The following TMEM87B variants were observed in gnomAD, a reference collection of about 807,000 sequenced individuals.
TMEM87B encodes transmembrane protein 87B.
TMEM87B carries 83 observed loss-of-function variants against 80.3 expected under a neutral mutation model. The ratio of observed to expected loss-of-function variants is 1.03; its 90% CI spans 0.87 to 1.24. The LOEUF is 1.24. Ranked by LOEUF, TMEM87B falls within the 50% of genes most tolerant of loss-of-function variation. The probability of loss-of-function intolerance (pLI) is 0.00; values close to 1 mark genes in which losing one functional copy is unlikely to be tolerated. For missense variants in TMEM87B, 625 were observed against 674.4 expected (o/e 0.93, Z 0.81); for synonymous variants, 219 against 230.5 (o/e 0.95, Z 0.45).
chr2:112,089,676 CTTA>C lies in TMEM87B; in HGVS notation c.991_993del (p.Leu331del). The C allele has an allele frequency of 6.2e-7, 1 of 1,614,160 alleles. No individual in the cohort carries two copies. The highest frequency in any genetic ancestry group is 8.5e-7 in the Non-Finnish European group (1 of 1,180,008). ...GGGTGATCGGACTGGGGCTTCTATA[CTTA>C]ATCTTTGCAGCTGTTGAAGGCGTGA... On this transcript the variant is annotated inframe_deletion, in exon 10 of 19. Coordinates refer to ENST00000283206, the MANE Select transcript of TMEM87B (RefSeq NM_032824.3).
chr2:112,098,328 T>G (rs1679531451), intron 13 of TMEM87B, among the ~76,000 whole-genome samples: 1 of 152,200 alleles, frequency 6.6e-6, no homozygotes, highest in African/African-American at 2.4e-5. Flanking sequence ...CCATTTGAAA[T>G]CCTAAGTATA....
At chr2:112,104,898 C>T (rs748149140) in intron 15 of TMEM87B, among the ~76,000 whole-genome samples, 7 of 152,172 alleles carry the variant, frequency 4.6e-5, no homozygotes, top group Admixed American at 2.0e-4. Context: ...AACCAACACT[C>T]TATAACATAA....
intron 6 of TMEM87B, 94 bp downstream of exon 6, chr2:112,077,376 A>G (rs1678858516): frequency 3.7e-6 from 2 of 534,044 alleles, no homozygotes; most frequent in Non-Finnish European, 6.6e-6. Flanking sequence ...TTTCAAATAC[A>G]TCATTCAAAA....
chr2:112,072,501 G>A (rs973324130), intron 4 of TMEM87B, among the ~76,000 whole-genome samples: 18 of 152,046 alleles, frequency 1.2e-4, no homozygotes, highest in African/African-American at 4.1e-4. Flanking sequence ...GTCTTGGGAG[G>A]GTGTATGTGT....
At chr2:112,093,041 T>A (rs1330840205) in intron 11 of TMEM87B, among the ~76,000 whole-genome samples, 2 of 152,242 alleles carry the variant, frequency 1.3e-5, no homozygotes, top group African/African-American at 4.8e-5. Flanking sequence ...TTTTAAAAAA[T>A]TGTTTTTCTT....
intron 17 of TMEM87B, 121 bp from the exon 18 acceptor site, chr2:112,112,778 C>A: frequency 1.1e-6 from 1 of 898,684 alleles, no homozygotes; most frequent in Non-Finnish European, 1.8e-6. Flanking sequence ...TCCCTTCTGT[C>A]ACCTGTGGAT....
chr2:112,081,767 C>T (rs574829043), intron 8 of TMEM87B, among the ~76,000 whole-genome samples: 106 of 152,276 alleles, frequency 7.0e-4, no homozygotes, highest in African/African-American at 2.4e-3. Context: ...AAATAAAAGT[C>T]CCGTTTCCTA....
At chr2:112,093,495 C>T (rs1679366222) in intron 11 of TMEM87B, among the ~76,000 whole-genome samples, 1 of 152,216 alleles carries the variant, frequency 6.6e-6, no homozygotes, top group African/African-American at 2.4e-5. Context: ...TCTTAGGAGT[C>T]TGAGGAGCCT....
At chr2:112,081,184 A>G (rs187915715) in intron 7 of TMEM87B, 66 bp downstream of exon 7, 393 of 1,511,406 alleles carry the variant, frequency 2.6e-4, no homozygotes, top group Non-Finnish European at 3.2e-4. Flanking sequence ...GCTTTGTGGT[A>G]GTAATTCCTC....
intron 6 of TMEM87B, among the ~76,000 whole-genome samples, chr2:112,077,687 A>G (rs188983571): frequency 1.3e-5 from 2 of 152,274 alleles, no homozygotes; most frequent in Non-Finnish European, 2.9e-5. Flanking sequence ...GACAAATTTT[A>G]TTTTAAAGGA....
At position 112,107,839 on chromosome 2, in the gene TMEM87B, G is replaced by T. The variant is rs762089820; in HGVS notation, c.1576G>T (p.Val526Leu). The T allele has an allele frequency of 6.3e-7, 1 of 1,581,758 alleles. No individual in the cohort carries two copies. Among genetic ancestry groups the T allele is most frequent in the Admixed American group, 1.7e-5 (1 of 59,214 alleles). The change falls in exon 17 of 19, where the codon GTA (valine) becomes TTA (leucine). Residue 526 changes from valine (V) to leucine (L), a missense_variant and splice_region_variant. Physicochemically the swap from Val to Leu is conservative, Grantham distance 32 (BLOSUM62 1). Coordinates refer to ENST00000283206, the MANE Select transcript of TMEM87B (RefSeq NM_032824.3). The stretch of plus-strand genomic sequence containing the variant: ...AAATATTCCCTCTTCATTCACAGAT[G>T]TGTAAGTTATCTTCTGTTACAGTTT... Reference protein sequence around the residue: ...EENIPSSFTDVALPVLVDSDE... With the variant: ...EENIPSSFTDLALPVLVDSDE...
At chr2:112,105,373 A>G (rs537312820) in intron 15 of TMEM87B, among the ~76,000 whole-genome samples, 28 of 152,210 alleles carry the variant, frequency 1.8e-4, no homozygotes, top group Non-Finnish European at 3.7e-4. Flanking sequence ...GGCATTTTAT[A>G]TGTGCTAACT....
chr2:112,077,600 G>A (rs539854456), intron 6 of TMEM87B, among the ~76,000 whole-genome samples: 1 of 152,240 alleles, frequency 6.6e-6, no homozygotes, highest in South Asian at 2.1e-4. Flanking sequence ...CAACTTTTTA[G>A]TTGTGTATTT....
At chr2:112,097,906 C>G (rs1679519741) in intron 13 of TMEM87B, among the ~76,000 whole-genome samples, 1 of 151,804 alleles carries the variant, frequency 6.6e-6, no homozygotes, top group Non-Finnish European at 1.5e-5. Context: ...TGGTTTGTAT[C>G]TAGATGGACT....
intron 5 of TMEM87B, among the ~76,000 whole-genome samples, chr2:112,076,817 C>T (rs548333547): frequency 6.7e-6 from 1 of 150,184 alleles, no homozygotes; most frequent in South Asian, 2.1e-4. Context: ...GCTATCTTTC[C>T]ACTACCTGCC....
At chr2:112,067,308 A>G (rs1349882172) in intron 4 of TMEM87B, among the ~76,000 whole-genome samples, 1 of 152,210 alleles carries the variant, frequency 6.6e-6, no homozygotes, top group Non-Finnish European at 1.5e-5. Context: ...ATAGTAGTAC[A>G]TAATAAGTAA....
At chr2:112,070,725 G>A (rs1164167964) in intron 4 of TMEM87B, among the ~76,000 whole-genome samples, 1 of 152,154 alleles carries the variant, frequency 6.6e-6, no homozygotes, top group African/African-American at 2.4e-5. Context: ...GTCATTGGTA[G>A]TTTGATAGGA....
In TMEM87B at chr2:112,066,834, A is replaced by G. The variant is rs551774972; in HGVS notation, c.319-102A>G. The G allele has an allele frequency of 1.0e-4, 111 of 1,082,412 alleles. 1 individual carries two copies. In the African/African-American group the frequency reaches 1.7e-3, roughly 17 times the overall value. The allele number at this position is 1,082,412 out of a possible 1,614,324, so 67.1% of individuals were successfully genotyped here. A position where few individuals can be genotyped will look rare whatever the true frequency, so the allele number is the denominator to read the frequency against. ...CTATTGCGTATTTCCAGGTATTTCA[A>G]ACTGAATATACTTTTGGTATTATTT... On this transcript the variant is annotated intron_variant, in intron 3 of 18. Coordinates refer to ENST00000283206, the MANE Select transcript of TMEM87B (RefSeq NM_032824.3).
At chr2:112,102,085 G>A (rs1679645431) in intron 15 of TMEM87B, among the ~76,000 whole-genome samples, 1 of 152,126 alleles carries the variant, frequency 6.6e-6, no homozygotes, top group South Asian at 2.1e-4. Context: ...ACTTAAGGAA[G>A]AAATGGAAGA....
Sources: allele counts gnomAD v4.1 joint callset (sites outside exome capture counted in the v4.1 genomes callset), GRCh38; gene constraint gnomAD v4.1.1; transcripts MANE v1.5; gene names NCBI Gene and HGNC (gene_info 2026-07-23, HGNC 2026-07-21).